Variants in GSAP observed in about 807,000 individuals in gnomAD.
GSAP encodes gamma-secretase activating protein, also known as gamma-secretase-activating protein.
A neutral mutation model predicts 131.7 loss-of-function variants in GSAP; 118 were observed. The observed-to-expected ratio is 0.90, with a 90% CI of 0.77 to 1.04. The LOEUF (loss-of-function observed/expected upper bound fraction) is 1.04, where lower values mean the gene tolerates loss of function less well. GSAP is among the 50% of genes least tolerant of loss of function. The probability of loss-of-function intolerance (pLI) is 0.00; values close to 1 mark genes in which losing one functional copy is unlikely to be tolerated. For missense variants in GSAP, 1,019 were observed against 1,013.2 expected, an observed-to-expected ratio of 1.01 and a Z score of -0.08; for synonymous variants, 381 against 363.4, an observed-to-expected ratio of 1.05 and a Z score of -0.55.
In GSAP at chr7:77,383,930, A is replaced by C. The variant is rs189605163; in HGVS notation, c.457-1287T>G. Among the ~76,000 whole-genome samples, 4 of 152,354 alleles carry C rather than the reference A, an allele frequency of 2.6e-5. No homozygotes were observed. In the East Asian group the frequency reaches 5.8e-4, roughly 22 times the overall value. On this transcript the variant is annotated intron_variant, in intron 6 of 30. Transcript: ENST00000257626. ...AAAAATAGTACTAGTCAAATTTTGGAACATTTATAGTTGAGTTCCCTTTTA... is the reference window on the plus strand; with the variant it reads ...AAAAATAGTACTAGTCAAATTTTGGCACATTTATAGTTGAGTTCCCTTTTA...
chr7:77,351,232 A>C, intron 18 of GSAP: 1 of 980,796 alleles, frequency 1.0e-6, no homozygotes, highest in Admixed American at 6.2e-5. Context: ...ACCTCAAAAA[A>C]AATTAAAATT....
chr7:77,346,972 G>A (rs995931951), intron 19 of GSAP, among the ~76,000 whole-genome samples: 2 of 89,952 alleles, frequency 2.2e-5, no homozygotes, highest in African/African-American at 9.0e-5. Context: ...CTTTCTGATT[G>A]CAGATCTTAA....
chr7:77,375,782 T>C (rs907740937), intron 10 of GSAP, among the ~76,000 whole-genome samples: 1 of 151,408 alleles, frequency 6.6e-6, no homozygotes, highest in Non-Finnish European at 1.5e-5. Flanking sequence ...AGGCAGAGGT[T>C]GCAGTGAAGA....
intron 19 of GSAP, among the ~76,000 whole-genome samples, chr7:77,348,122 T>C (rs896599595): frequency 6.6e-6 from 1 of 151,964 alleles, no homozygotes; most frequent in Non-Finnish European, 1.5e-5. Context: ...TGAGCTATGA[T>C]CATGCCACTG....
chr7:77,360,114 G>A (rs1468748899), intron 14 of GSAP, among the ~76,000 whole-genome samples: 5 of 152,138 alleles, frequency 3.3e-5, no homozygotes, highest in Admixed American at 3.3e-4. Context: ...TGTGGAATAG[G>A]GATGGAAAAA....
rs1363679152 is a variant in GSAP at position 77,355,569 on chromosome 7, T to G, written c.1106A>C (p.Asn369Thr). The G allele has an allele frequency of 6.2e-7, 1 of 1,609,470 alleles. No individual in the cohort carries two copies. The highest frequency in any genetic ancestry group is 1.3e-5 in the African/African-American group (1 of 74,780). The change falls in exon 15 of 31, where the codon AAT (asparagine) becomes ACT (threonine). Residue 369 changes from asparagine to threonine, a missense_variant. Physicochemically the swap from Asn to Thr is moderately conservative, Grantham distance 65. Transcript: ENST00000257626. ...TATAGCCGTACCTGTCAGAAAGAGA[T>G]TGTGGCAGATCAGGTCTGGATGTTG... is the stretch of plus-strand genomic sequence containing the variant. ...NVQHPDLICH[N>T]LFLTGNNEMI...
intron 14 of GSAP, among the ~76,000 whole-genome samples, chr7:77,356,532 T>C (rs2150882345): frequency 6.6e-6 from 1 of 152,340 alleles, no homozygotes; most frequent in South Asian, 2.1e-4. Flanking sequence ...GAATAATCTC[T>C]GCAGACACAT....
intron 18 of GSAP, among the ~76,000 whole-genome samples, chr7:77,351,949 T>G (rs1457717343): frequency 1.3e-5 from 2 of 152,130 alleles, no homozygotes; most frequent in Non-Finnish European, 2.9e-5. Flanking sequence ...TCACATGTGT[T>G]CCAAAAGAAA....
intron 1 of GSAP, among the ~76,000 whole-genome samples, chr7:77,412,562 C>T (rs1246339101): frequency 6.6e-6 from 1 of 151,870 alleles, no homozygotes; most frequent in Non-Finnish European, 1.5e-5. Context: ...CAAACCGAAA[C>T]AGAAGTGACA....
chr7:77,349,984 G>A (rs926489218), intron 18 of GSAP, among the ~76,000 whole-genome samples: 5 of 151,986 alleles, frequency 3.3e-5, no homozygotes, highest in East Asian at 1.9e-4. Flanking sequence ...TGTTTATTGC[G>A]GCATTATTCA....
At chr7:77,390,255 G>A (rs1226830861) in intron 5 of GSAP, among the ~76,000 whole-genome samples, 3 of 152,074 alleles carry the variant, frequency 2.0e-5, no homozygotes, top group Non-Finnish European at 4.4e-5. Context: ...TCTGATGGTG[G>A]TTTCTTTTGC....
At chr7:77,352,341 C>A (rs4729346) in intron 18 of GSAP, among the ~76,000 whole-genome samples, 1 of 152,008 alleles carries the variant, frequency 6.6e-6, no homozygotes, top group Non-Finnish European at 1.5e-5. Flanking sequence ...AGCCTATGTA[C>A]GGTTTTCACT....
chr7:77,392,777 G>GT (rs1799789321), intron 5 of GSAP, among the ~76,000 whole-genome samples: 2 of 152,322 alleles, frequency 1.3e-5, no homozygotes, highest in Admixed American at 6.5e-5. Flanking sequence ...AGGAGCTCTG[G>GT]TTATTCAAGC....
intron 1 of GSAP, among the ~76,000 whole-genome samples, chr7:77,409,439 C>T (rs1802886066): frequency 6.6e-6 from 1 of 152,166 alleles, no homozygotes; most frequent in Non-Finnish European, 1.5e-5. Context: ...GATAATGATA[C>T]TTGACCAATA....
intron 1 of GSAP, 72 bp downstream of exon 1, chr7:77,416,141 G>A (rs972677974): frequency 3.4e-6 from 3 of 881,034 alleles, no homozygotes; most frequent in African/African-American, 3.5e-5. Flanking sequence ...CTCCCCACCG[G>A]GTCGGAGTCC....
chr7:77,311,185 T>TA lies in GSAP; in HGVS notation c.*172_*173insT. 1 of 555,322 alleles carries TA rather than the reference T, an allele frequency of 1.8e-6. No individual in the cohort carries two copies. The highest frequency in any genetic ancestry group is 3.2e-6 in the Non-Finnish European group (1 of 310,642). 34.4% of individuals were successfully genotyped at this position (555,322 alleles called of 1,614,324 possible). A position where few individuals can be genotyped will look rare whatever the true frequency, so the allele number is the denominator to read the frequency against. Reference sequence around the variant, plus strand: ...GCTCACTGGCTATTCAAAATTGGAATGTGATACAGCAGTTCTGTCTGAACG... The same window carrying TA: ...GCTCACTGGCTATTCAAAATTGGAATAGTGATACAGCAGTTCTGTCTGAACG... On this transcript the variant is annotated 3_prime_UTR_variant, in exon 31 of 31. Coordinates refer to ENST00000257626, the MANE Select transcript of GSAP (RefSeq NM_017439.4).
At chr7:77,334,013 T>C (rs1789563113) in intron 19 of GSAP, among the ~76,000 whole-genome samples, 1 of 152,158 alleles carries the variant, frequency 6.6e-6, no homozygotes, top group African/African-American at 2.4e-5. Flanking sequence ...ACTATGGCGA[T>C]TCCTCAAAGA....
chr7:77,402,698 A>C (rs1801581201), intron 3 of GSAP, among the ~76,000 whole-genome samples: 1 of 151,314 alleles, frequency 6.6e-6, no homozygotes, highest in Admixed American at 6.6e-5. Context: ...AAAAAAAAAA[A>C]ACATATGGGC....
intron 1 of GSAP, among the ~76,000 whole-genome samples, chr7:77,407,402 A>T (rs1191567917): frequency 6.6e-6 from 1 of 152,178 alleles, no homozygotes; most frequent in Non-Finnish European, 1.5e-5. Flanking sequence ...CCAATCTGAC[A>T]TTCTTAATCT....
Sources: allele counts gnomAD v4.1 joint callset (sites outside exome capture counted in the v4.1 genomes callset), GRCh38; gene constraint gnomAD v4.1.1; transcripts MANE v1.5; gene names NCBI Gene and HGNC (gene_info 2026-07-23, HGNC 2026-07-21).